Variants in PLK4 observed in about 807,000 individuals in gnomAD.
PLK4 encodes the protein polo like kinase 4.
In PLK4, 51 loss-of-function variants were observed where a neutral mutation model predicts 103.0. The ratio of observed to expected loss-of-function variants is 0.50; its 90% CI spans 0.40 to 0.63. The LOEUF (loss-of-function observed/expected upper bound fraction) is 0.63, where lower values mean the gene tolerates loss of function less well. Ranked by LOEUF, PLK4 falls within the 20% of genes least tolerant of loss-of-function variation. The pLI is 0.00. For missense variants in PLK4, 1,054 were observed against 1,151.0 expected (o/e 0.92, Z 1.22); for synonymous variants, 389 against 376.8 (o/e 1.03, Z -0.38).
intron 13 of PLK4, among the ~76,000 whole-genome samples, chr4:127,894,746 C>G (rs977086045): frequency 6.6e-6 from 1 of 151,984 alleles, no homozygotes; most frequent in African/African-American, 2.4e-5. Flanking sequence ...AGAAATCCAC[C>G]AAAATGAAAA....
intron 12 of PLK4, 23 bp from the exon 13 acceptor site, chr4:127,893,711 A>G (rs770734447): frequency 3.1e-6 from 5 of 1,601,008 alleles, no homozygotes; most frequent in Admixed American, 3.4e-5. Context: ...TCAAGGGAAT[A>G]TATTTGGACT....
Position 127,885,880 on chromosome 4 carries a change from A to G in PLK4, c.510A>G (p.Thr170=), listed in dbSNP as rs758236202. Residue 170 remains threonine (T), a synonymous_variant, in exon 5 of 16, where the codon ACA becomes ACG. Coordinates refer to ENST00000270861, the MANE Select transcript of PLK4 (RefSeq NM_014264.5). ...AAATGCCACATGAAAAGCACTATAC[A>G]TTATGTGGAACTCCTAACTACATTT... ...QLKMPHEKHY[T]LCGTPNYISP... is the part of the protein sequence containing the mutation. 1.2e-6 allele frequency: 2 copies of G among 1,614,148 alleles called. No individual in the cohort carries two copies. Among genetic ancestry groups the G allele is most frequent in the Non-Finnish European group, 1.7e-6 (2 of 1,179,990 alleles).
At chr4:127,891,432 C>CAAA in intron 8 of PLK4, 147 bp from the exon 9 acceptor site, 1 of 443,662 alleles carries the variant, frequency 2.3e-6, no homozygotes, top group South Asian at 7.9e-5. Context: ...AGTTAAAAAG[C>CAAA]AAAAAAATTA....
chr4:127,891,855 ATT>A, intron 9 of PLK4, 174 bp downstream of exon 9: 1 of 350,210 alleles, frequency 2.9e-6, no homozygotes, highest in Admixed American at 4.5e-5. Context: ...AATGTTTATT[ATT>A]AATATTCTGT....
rs753397524 is a variant in PLK4, at chr4:127,885,860, C to T, written c.490C>T (p.Pro164Ser). Reference sequence around the variant, plus strand: ...TGGGCTGGCAACTCAACTGAAAATGCCACATGAAAAGCACTATACATTATG... The same window carrying T: ...TGGGCTGGCAACTCAACTGAAAATGTCACATGAAAAGCACTATACATTATG... Reference protein sequence around the residue: ...DFGLATQLKMPHEKHYTLCGT... With the variant: ...DFGLATQLKMSHEKHYTLCGT... Residue 164 changes from proline (P) to serine (S), a missense_variant, in exon 5 of 16, where the codon CCA (proline) becomes TCA (serine). By Grantham distance (74) the Pro-to-Ser change is moderately conservative (BLOSUM62 -1). Around this residue, in one of 4 missense-constraint regions of PLK4, gnomAD observed 199 missense variants for 270.1 expected, o/e 0.74. Coordinates refer to ENST00000270861, the MANE Select transcript of PLK4 (RefSeq NM_014264.5). 30 of 1,613,922 alleles carry T rather than the reference C, an allele frequency of 1.9e-5. No homozygotes were observed. The highest frequency in any genetic ancestry group is 2.4e-5 in the Non-Finnish European group (28 of 1,179,974).
At chr4:127,890,663 A>G (rs1735321616) in intron 7 of PLK4, among the ~76,000 whole-genome samples, 1 of 152,180 alleles carries the variant, frequency 6.6e-6, no homozygotes, top group Non-Finnish European at 1.5e-5. Flanking sequence ...TTCTGGAACT[A>G]AAGAAAAGGC....
chr4:127,893,860 G>A lies in PLK4; in HGVS notation c.2541G>A (p.Gln847=). ...TGCATAGTGCTGCTTCTCCAACACA[G>A]GCACCAATCCTTAATCCCTCTGTAA... is the stretch of plus-strand genomic sequence containing the variant. The part of the protein sequence containing the change: ...MVMHSAASPT[Q]APILNPSMVT... Residue 847 remains glutamine, a synonymous_variant, in exon 13 of 16, where the codon CAG becomes CAA. Coordinates refer to ENST00000270861, the MANE Select transcript of PLK4 (RefSeq NM_014264.5). The A allele has an allele frequency of 6.3e-7, 1 of 1,577,800 alleles. No individual in the cohort carries two copies. The highest frequency in any genetic ancestry group is 8.7e-7 in the Non-Finnish European group (1 of 1,147,628).
intron 5 of PLK4, among the ~76,000 whole-genome samples, 162 bp downstream of exon 5, chr4:127,886,890 G>A (rs1163731209): frequency 6.6e-6 from 1 of 151,744 alleles, no homozygotes; most frequent in Admixed American, 6.6e-5. Flanking sequence ...ACAGGAGTGT[G>A]TGTGTTCATG....
chr4:127,896,842 C>A lies in PLK4; in HGVS notation c.2745C>A (p.Ser915=), dbSNP rs747353711. ...GAVWVQFNDG[S]QLVVQAGVSS... The stretch of plus-strand genomic sequence containing the variant: ...TGTGGGTTCAGTTTAATGATGGGTC[C>A]CAGTTGGTTGTGCAGGCAGGAGTGT... The change falls in exon 15 of 16, where the codon TCC becomes TCA. Residue 915 remains serine (S), a synonymous_variant. Transcript: ENST00000270861. The A allele has an allele frequency of 3.7e-6, 6 of 1,612,284 alleles. No individual in the cohort carries two copies. The African/African-American group carries it at 4.0e-5, about 11-fold the overall frequency.
chr4:127,886,128 G>GT lies in PLK4; in HGVS notation c.761dup (p.Leu254PhefsTer21). ...TTACTTCGTAGAAATCCAGCAGATC[G>GT]TTTAAGTCTGTCTTCAGTATTGGAC... On this transcript the variant is annotated frameshift_variant, in exon 5 of 16. Coordinates refer to ENST00000270861, the MANE Select transcript of PLK4 (RefSeq NM_014264.5). LOFTEE classifies it high-confidence loss of function. 1 of 1,614,170 alleles carries GT rather than the reference G, an allele frequency of 6.2e-7. No individual in the cohort carries two copies.
At chr4:127,896,022 T>C (rs539173046) in intron 14 of PLK4, among the ~76,000 whole-genome samples, 29 of 152,204 alleles carry the variant, frequency 1.9e-4, no homozygotes, top group Non-Finnish European at 2.6e-4. Flanking sequence ...CACATGTACT[T>C]TTACTTAACA....
In PLK4 at chr4:127,889,989, C is replaced by T. The variant is rs1560696897; in HGVS notation, c.1583C>T (p.Ser528Phe). 1 of 1,614,068 alleles carries T rather than the reference C, an allele frequency of 6.2e-7. No homozygotes were observed. Among genetic ancestry groups the T allele is most frequent in the Non-Finnish European group, 8.5e-7 (1 of 1,179,948 alleles). Residue 528 changes from serine to phenylalanine, a missense_variant, in exon 7 of 16, where the codon TCT becomes TTT. By Grantham distance (155) the Ser-to-Phe change is radical (BLOSUM62 -2). Coordinates refer to ENST00000270861, the MANE Select transcript of PLK4 (RefSeq NM_014264.5). The stretch of plus-strand genomic sequence containing the variant: ...ACTGATACAAAAGTCAAAAAGAACT[C>T]TGATGCTTCTGATAATGCACATTCT... ...AWTDTKVKKN[S>F]DASDNAHSVK... is the part of the protein sequence containing the mutation.
chr4:127,898,127 C>T (rs542930182), intron 15 of PLK4, among the ~76,000 whole-genome samples: 1 of 152,098 alleles, frequency 6.6e-6, no homozygotes, highest in Admixed American at 6.5e-5. Flanking sequence ...TTAACCACCG[C>T]GCCTGTCCGG....
In PLK4 at chr4:127,881,098, A is replaced by C. The variant is rs780365675; in HGVS notation, c.-37A>C. On this transcript the variant is annotated 5_prime_UTR_variant, in exon 1 of 16. Coordinates refer to ENST00000270861, the MANE Select transcript of PLK4 (RefSeq NM_014264.5). ...CTGCCTCGAAGGGACTGCGTGAAGG[A>C]AGCTAATCCGGAGAACCCAGGCCAG... 1.9e-6 allele frequency: 3 copies of C among 1,612,882 alleles called. No homozygotes were observed. Among genetic ancestry groups the C allele is most frequent in the Non-Finnish European group, 2.5e-6 (3 of 1,179,264 alleles).
intron 4 of PLK4, among the ~76,000 whole-genome samples, chr4:127,884,498 A>T (rs988632181): frequency 1.1e-4 from 17 of 152,198 alleles, no homozygotes; most frequent in East Asian, 9.6e-4. Flanking sequence ...TTTTTATAAT[A>T]CTTCATTAAA....
Position 127,894,941 on chromosome 4 carries a change from T to C in PLK4, c.2563-12T>C. ...TGAGGAATAATATCTTCCTGTCCTT[T>C]ATTCTTTGTAGATGGTTACAAATGA... On this transcript the variant is annotated splice_polypyrimidine_tract_variant and intron_variant, in intron 13 of 15. Transcript: ENST00000270861. 6.5e-7 allele frequency: 1 copy of C among 1,544,938 alleles called. No homozygotes were observed. The highest frequency in any genetic ancestry group is 8.8e-7 in the Non-Finnish European group (1 of 1,141,644).
chr4:127,882,867 C>T (rs1734980907), intron 2 of PLK4, among the ~76,000 whole-genome samples: 1 of 152,058 alleles, frequency 6.6e-6, no homozygotes, highest in Non-Finnish European at 1.5e-5. Flanking sequence ...CTGCAGTGAA[C>T]TGTGATCATG....
chr4:127,897,272 T>C (rs144027919), intron 15 of PLK4, among the ~76,000 whole-genome samples: 82 of 152,332 alleles, frequency 5.4e-4, no homozygotes, highest in South Asian at 1.7e-3. Flanking sequence ...CTTTAAGATA[T>C]AACCTGCTTA....
At chr4:127,883,898 T>G (rs1459705873) in intron 4 of PLK4, among the ~76,000 whole-genome samples, 1 of 152,190 alleles carries the variant, frequency 6.6e-6, no homozygotes, top group Non-Finnish European at 1.5e-5. Context: ...AAATAGCCAT[T>G]GAAACTGTTT....
Sources: allele counts gnomAD v4.1 joint callset (sites outside exome capture counted in the v4.1 genomes callset), GRCh38; gene constraint gnomAD v4.1.1; regional missense constraint gnomAD v4.1.1; transcripts MANE v1.5; gene names NCBI Gene and HGNC (gene_info 2026-07-23, HGNC 2026-07-21).